Variants in DNAH11 observed in about 807,000 individuals in gnomAD.
DNAH11 encodes the protein axonemal beta dynein heavy chain 11.
DNAH11 carries 442 observed loss-of-function variants against 526.0 expected under a neutral mutation model. That is an observed-to-expected ratio of 0.84 (90% CI 0.78 to 0.91). The LOEUF is 0.91. Among genes scored for constraint, DNAH11 ranks in the 40% least tolerant of loss-of-function variants. The pLI is 0.00. For missense variants in DNAH11, 6,989 were observed against 5,448.7 expected, an observed-to-expected ratio of 1.28 and a Z score of -8.90; for synonymous variants, 2,461 against 1,935.9, an observed-to-expected ratio of 1.27 and a Z score of -7.12.
intron 49 of DNAH11, 89 bp from the exon 50 acceptor site, chr7:21,744,349 G>C: frequency 7.2e-7 from 1 of 1,380,106 alleles, no homozygotes; most frequent in Non-Finnish European, 1.0e-6. Context: ...CATTTGCTAA[G>C]TTCACATTTT....
intron 53 of DNAH11, 39 bp downstream of exon 53, chr7:21,749,840 A>T: frequency 2.5e-6 from 4 of 1,610,412 alleles, no homozygotes; most frequent in Non-Finnish European, 2.5e-6. Flanking sequence ...ATCTTCCCCA[A>T]TGACAAATTA....
intron 55 of DNAH11, among the ~76,000 whole-genome samples, chr7:21,773,144 C>CA (rs1317407226): frequency 3.9e-5 from 6 of 152,034 alleles, no homozygotes; most frequent in Admixed American, 2.6e-4. Context: ...TCATAGAGGA[C>CA]AAAATGGAAA....
chr7:21,748,685 T>C lies in DNAH11; in HGVS notation c.8616T>C (p.Arg2872=). 6.2e-7 allele frequency: 1 copy of C among 1,613,696 alleles called. No homozygotes were observed. Among genetic ancestry groups the C allele is most frequent in the Non-Finnish European group, 8.5e-7 (1 of 1,179,732 alleles). Residue 2872 remains arginine, a synonymous_variant, in exon 52 of 82, where the codon CGT becomes CGC. Transcript: ENST00000409508. ...TGTCCAGGCTGGCAGCTTACCTTCG[T>C]GGCCTTGAGGTCTTTCAGATCACTC... The part of the protein sequence containing the change: ...QSLSRLAAYL[R]GLEVFQITLT...
At chr7:21,622,342 G>A (rs545219804) in intron 25 of DNAH11, among the ~76,000 whole-genome samples, 84 of 152,174 alleles carry the variant, frequency 5.5e-4, no homozygotes, top group Non-Finnish European at 1.0e-3. Flanking sequence ...ATGGAAGAAC[G>A]TTCCATGCTC....
At chr7:21,657,800 T>C (rs1414945964) in intron 29 of DNAH11, among the ~76,000 whole-genome samples, 1 of 152,164 alleles carries the variant, frequency 6.6e-6, no homozygotes, top group Admixed American at 6.5e-5. Context: ...GAAGAGATAC[T>C]GAGGCCATTT....
chr7:21,839,183 G>C (rs1345007965), intron 65 of DNAH11, among the ~76,000 whole-genome samples: 1 of 152,080 alleles, frequency 6.6e-6, no homozygotes, highest in Non-Finnish European at 1.5e-5. Context: ...TCTTTCACTT[G>C]TACAGATGTT....
chr7:21,684,438 T>A (rs1378293432), intron 32 of DNAH11, among the ~76,000 whole-genome samples: 1 of 152,112 alleles, frequency 6.6e-6, no homozygotes, highest in Non-Finnish European at 1.5e-5. Context: ...TTCTAGTAAG[T>A]GGGGGTAAAG....
At chr7:21,640,534 A>G (rs1348660782) in intron 28 of DNAH11, among the ~76,000 whole-genome samples, 1 of 145,798 alleles carries the variant, frequency 6.9e-6, no homozygotes, top group African/African-American at 2.8e-5. Flanking sequence ...TATTATTTAA[A>G]TACAGTGAAC....
chr7:21,624,953 A>AT (rs1786260143), intron 25 of DNAH11, among the ~76,000 whole-genome samples: 1 of 151,754 alleles, frequency 6.6e-6, no homozygotes. Flanking sequence ...TTTGCTGAGG[A>AT]TTTTTTTAAT....
chr7:21,800,126 G>A (rs1788903927), intron 61 of DNAH11, among the ~76,000 whole-genome samples: 2 of 152,334 alleles, frequency 1.3e-5, no homozygotes, highest in South Asian at 4.1e-4. Flanking sequence ...TTCTCTTGGA[G>A]TCTCTAGGGC....
rs555259870 is a variant in DNAH11 at position 21,620,850 on chromosome 7, T to G, written c.4500+772T>G. Among the ~76,000 whole-genome samples the G allele has an allele frequency of 6.9e-3, 1,040 of 151,530 alleles. 3 individuals carry two copies. The highest frequency in any genetic ancestry group is 0.011 in the Non-Finnish European group (780 of 67,902). On this transcript the variant is annotated intron_variant, in intron 25 of 81. Coordinates refer to ENST00000409508, the MANE Select transcript of DNAH11 (RefSeq NM_001277115.2). Reference sequence around the variant, plus strand: ...TGTTCTTGTGATAGTTTACTGAGAATGATGATTTCCAATTTCATCCATGTC... The same window carrying G: ...TGTTCTTGTGATAGTTTACTGAGAAGGATGATTTCCAATTTCATCCATGTC...
At chr7:21,561,948 A>G (rs1427590642) in intron 5 of DNAH11, among the ~76,000 whole-genome samples, 5 of 152,190 alleles carry the variant, frequency 3.3e-5, no homozygotes, top group East Asian at 1.9e-4. Flanking sequence ...CTGAAAATTC[A>G]CTTCAAAAAT....
intron 54 of DNAH11, among the ~76,000 whole-genome samples, chr7:21,752,082 C>T (rs1786439112): frequency 6.6e-6 from 1 of 152,250 alleles, no homozygotes; most frequent in Admixed American, 6.5e-5. Flanking sequence ...CTTTGGGTGG[C>T]CCCAGAAATC....
intron 2 of DNAH11, among the ~76,000 whole-genome samples, chr7:21,550,584 A>G (rs1263040100): frequency 6.6e-6 from 1 of 152,132 alleles, no homozygotes; most frequent in Non-Finnish European, 1.5e-5. Context: ...GTTTGGTGAT[A>G]TACTTTTGGA....
chr7:21,751,066 G>C (rs1338932079), intron 54 of DNAH11, among the ~76,000 whole-genome samples: 1 of 152,172 alleles, frequency 6.6e-6, no homozygotes, highest in East Asian at 1.9e-4. Flanking sequence ...GCTCACACCT[G>C]TAATCCCAGC....
chr7:21,675,320 C>T (rs1039698315), intron 30 of DNAH11, among the ~76,000 whole-genome samples: 5 of 152,172 alleles, frequency 3.3e-5, no homozygotes, highest in African/African-American at 7.2e-5. Context: ...CAGAGCCACC[C>T]GATCCATTCA....
chr7:21,900,258 TTAAA>T, intron 81 of DNAH11, 138 bp downstream of exon 81: 1 of 1,014,812 alleles, frequency 9.9e-7, no homozygotes, highest in South Asian at 2.9e-5. Flanking sequence ...TTTCTTCCTC[TTAAA>T]TAATTTAAGT....
Position 21,595,723 on chromosome 7 carries a change from G to A in DNAH11, c.2668-4064G>A, listed in dbSNP as rs545470747. 3.7e-4 allele frequency among the ~76,000 whole-genome samples: 57 copies of A among 152,196 alleles called. 1 individual carries two copies. In the South Asian group the frequency reaches 0.011, roughly 29 times the overall value. ...ATTTACTCATTTAGAGTTAATGAGA[G>A]GGGTCCAAACTGAAAACACAAATGA... On this transcript the variant is annotated intron_variant, in intron 14 of 81. Coordinates refer to ENST00000409508, the MANE Select transcript of DNAH11 (RefSeq NM_001277115.2).
intron 57 of DNAH11, among the ~76,000 whole-genome samples, chr7:21,780,361 A>G (rs372477100): frequency 6.6e-6 from 1 of 152,190 alleles, no homozygotes; most frequent in Non-Finnish European, 1.5e-5. Context: ...CCTGGACAAC[A>G]TAATGAGACC....
Sources: gnomAD v4.1 joint callset for allele counts (sites outside exome capture counted in the v4.1 genomes callset) on GRCh38, gnomAD v4.1.1 for gene constraint, MANE v1.5 for transcripts, NCBI Gene and HGNC (gene_info 2026-07-23, HGNC 2026-07-21) for gene names.